The following RANBP2 variants were observed in gnomAD, a reference collection of about 807,000 sequenced individuals.
RANBP2 encodes RAN binding protein 2.
In RANBP2, 57 loss-of-function variants were observed where a neutral mutation model predicts 303.6. The observed-to-expected ratio is 0.19, with a 90% confidence interval of 0.15 to 0.23. The LOEUF (loss-of-function observed/expected upper bound fraction) is 0.23, where lower values mean the gene tolerates loss of function less well. Among genes scored for constraint, RANBP2 ranks in the 10% least tolerant of loss-of-function variants. The pLI, the probability that RANBP2 is intolerant of heterozygous loss-of-function variation, is 1.00. For synonymous variants in RANBP2, 1,167 were observed against 1,301.5 expected (o/e 0.90, Z 2.23); for missense variants, 3,138 against 3,780.8 (o/e 0.83, Z 4.46).
the RANBP2 span, among the ~76,000 whole-genome samples, chr2:109,240,763 TGTC>T: frequency 1.7e-3 from 254 of 152,086 alleles, 2 homozygotes; most frequent in African/African-American, 5.8e-3. Flanking sequence ...TATTTCCTCC[TGTC>T]GTCCTTCTCC....
chr2:109,622,190 G>A, the RANBP2 span, among the ~76,000 whole-genome samples: 1 of 152,130 alleles, frequency 6.6e-6, no homozygotes, highest in South Asian at 2.1e-4. Context: ...TCTACTGATG[G>A]AGAACTGAAA....
At chr2:109,552,219 C>G in the RANBP2 span, among the ~76,000 whole-genome samples, 2 of 152,208 alleles carry the variant, frequency 1.3e-5, no homozygotes, top group African/African-American at 4.8e-5. Flanking sequence ...GAAAAACTGT[C>G]TTCCAGGAAA....
At chr2:109,233,968 A>C in the RANBP2 span, among the ~76,000 whole-genome samples, 1 of 152,242 alleles carries the variant, frequency 6.6e-6, no homozygotes, top group Non-Finnish European at 1.5e-5. Context: ...GGATATTTGA[A>C]TTGTTTCCAG....
chr2:109,246,868 C>T, the RANBP2 span, among the ~76,000 whole-genome samples: 2 of 152,184 alleles, frequency 1.3e-5, no homozygotes, highest in Non-Finnish European at 2.9e-5. Context: ...GTCTTCCTTC[C>T]ATTCGGTGGC....
At chr2:109,747,748 A>C in the RANBP2 span, among the ~76,000 whole-genome samples, 2 of 143,924 alleles carry the variant, frequency 1.4e-5, no homozygotes, top group Non-Finnish European at 3.0e-5. Context: ...TGTCTCAAAA[A>C]AAAAAAAATC....
chr2:109,141,985 G>T, the RANBP2 span, among the ~76,000 whole-genome samples: 69 of 152,160 alleles, frequency 4.5e-4, no homozygotes, highest in African/African-American at 1.6e-3. Context: ...CTCCTCTGGT[G>T]TGTGGCCATC....
chr2:109,359,286 C>T, the RANBP2 span, among the ~76,000 whole-genome samples: 5 of 152,154 alleles, frequency 3.3e-5, no homozygotes, highest in African/African-American at 1.2e-4. Flanking sequence ...ACTTTAGAAT[C>T]AGTTGGTCAA....
At chr2:109,436,033 A>G in the RANBP2 span, among the ~76,000 whole-genome samples, 2 of 152,252 alleles carry the variant, frequency 1.3e-5, no homozygotes, top group East Asian at 3.9e-4. Context: ...GGTCGTGCCC[A>G]GTGATACCAG....
At chr2:109,268,678 C>T in the RANBP2 span, among the ~76,000 whole-genome samples, 2 of 152,186 alleles carry the variant, frequency 1.3e-5, no homozygotes, top group African/African-American at 4.8e-5. Flanking sequence ...CCTACACAAT[C>T]ACTCTATTTT....
the RANBP2 span, among the ~76,000 whole-genome samples, chr2:109,701,579 A>G: frequency 6.6e-6 from 1 of 152,046 alleles, no homozygotes; most frequent in Non-Finnish European, 1.5e-5. Context: ...GTGAATCTGC[A>G]TTTTTACATA....
the RANBP2 span, among the ~76,000 whole-genome samples, chr2:108,949,620 C>T: frequency 3.3e-5 from 5 of 152,188 alleles, no homozygotes; most frequent in Admixed American, 3.3e-4. Context: ...AGATTTCTCC[C>T]TCTTGCTCAT....
the RANBP2 span, among the ~76,000 whole-genome samples, chr2:109,714,254 TTGTGTGTG>T: frequency 2.0e-5 from 3 of 149,440 alleles, no homozygotes; most frequent in Non-Finnish European, 4.5e-5. Context: ...CCTGGCTAAT[TTGTGTGTG>T]TGTGTGTGTG....
the RANBP2 span, among the ~76,000 whole-genome samples, chr2:108,965,324 A>G: frequency 3.3e-5 from 5 of 152,080 alleles, no homozygotes; most frequent in Admixed American, 3.3e-4. Context: ...AAAAATACAA[A>G]AACAAAATTA....
At chr2:109,540,063 T>C in the RANBP2 span, among the ~76,000 whole-genome samples, 2 of 152,200 alleles carry the variant, frequency 1.3e-5, no homozygotes, top group East Asian at 1.9e-4. Flanking sequence ...CTGGGTTGTA[T>C]GGTGCTGAGC....
chr2:109,683,738 C>A, the RANBP2 span, among the ~76,000 whole-genome samples: 11 of 152,200 alleles, frequency 7.2e-5, 1 homozygote, highest in Middle Eastern at 3.4e-3. Flanking sequence ...TGCCCAGGCC[C>A]GGCACTCTCC....
At position 108,766,594 on chromosome 2, in the gene RANBP2, A is replaced by G; in HGVS notation, c.6055A>G (p.Met2019Val). 1 of 1,612,034 alleles carries G rather than the reference A, an allele frequency of 6.2e-7. No individual in the cohort carries two copies. Among genetic ancestry groups the G allele is most frequent in the Non-Finnish European group, 8.5e-7 (1 of 1,179,844 alleles). The change falls in exon 20 of 29, where the codon ATG becomes GTG. Residue 2019 changes from methionine to valine, a missense_variant. Coordinates refer to ENST00000283195, the MANE Select transcript of RANBP2 (RefSeq NM_006267.5). ...DDIHFEPVVQMPEKVELVTGE... is the reference protein window; with the variant it reads ...DDIHFEPVVQVPEKVELVTGE... ...CATCCATTTTGAACCAGTAGTTCAAATGCCCGAAAAAGTAGAACTTGTAAC... is the reference window on the plus strand; with the variant it reads ...CATCCATTTTGAACCAGTAGTTCAAGTGCCCGAAAAAGTAGAACTTGTAAC...
the RANBP2 span, among the ~76,000 whole-genome samples, chr2:108,965,552 C>A: frequency 6.6e-6 from 1 of 152,134 alleles, no homozygotes; most frequent in East Asian, 1.9e-4. Flanking sequence ...CAGGAAGATC[C>A]TTAGAAGGTT....
At chr2:109,161,995 G>A in the RANBP2 span, among the ~76,000 whole-genome samples, 2 of 152,126 alleles carry the variant, frequency 1.3e-5, no homozygotes, top group African/African-American at 4.8e-5. Flanking sequence ...CGTAGATGGT[G>A]TCAGAAAGTA....
chr2:108,791,454 A>G, the RANBP2 span: 1 of 528,576 alleles, frequency 1.9e-6, no homozygotes, highest in Non-Finnish European at 3.5e-6. Context: ...TTTTAAATTA[A>G]GTCTATTTAA....
Sources: allele counts gnomAD v4.1 joint callset (sites outside exome capture counted in the v4.1 genomes callset), GRCh38; gene constraint gnomAD v4.1.1; transcripts MANE v1.5; gene names NCBI Gene and HGNC (gene_info 2026-07-23, HGNC 2026-07-21).